AFAP1: variants seen among roughly 807,000 people sequenced by gnomAD.
AFAP1 encodes the protein actin filament-associated protein 1.
In AFAP1, 75 loss-of-function variants were observed where a neutral mutation model predicts 93.9. The ratio of observed to expected loss-of-function variants is 0.80; its 90% CI spans 0.66 to 0.97. AFAP1 has a LOEUF of 0.97. AFAP1 is among the 50% of genes least tolerant of loss of function. The probability of loss-of-function intolerance (pLI) is 0.00; values close to 1 mark genes in which losing one functional copy is unlikely to be tolerated. For missense variants in AFAP1, 1,201 were observed against 1,050.8 expected, an observed-to-expected ratio of 1.14 and a Z score of -1.98; for synonymous variants, 517 against 430.7, an observed-to-expected ratio of 1.20 and a Z score of -2.48.
rs143012327 is a variant in AFAP1, at chr4:7,912,136, G to A, written c.-3+27520C>T. 3.3e-4 allele frequency among the ~76,000 whole-genome samples: 50 copies of A among 152,350 alleles called. No homozygotes were observed. The East Asian group carries it at 6.9e-3, about 21-fold the overall frequency. The stretch of plus-strand genomic sequence containing the variant: ...GTTTGAAAGACCGATGAACAAGGAC[G>A]TCATTAACTATTGCAAAGTGGTATC... On this transcript the variant is annotated intron_variant, in intron 1 of 17. Transcript: ENST00000420658.
At chr4:7,840,262 A>G (rs4234833) in intron 5 of AFAP1, among the ~76,000 whole-genome samples, 81,467 of 150,050 alleles carry the variant, frequency 0.54, 22,323 homozygotes, top group East Asian at 0.61. Flanking sequence ...TGTTTTTGGG[A>G]TGTGTGTGTG....
chr4:7,798,145 T>G (rs1170856772), intron 10 of AFAP1, among the ~76,000 whole-genome samples: 1 of 113,154 alleles, frequency 8.8e-6, no homozygotes, highest in South Asian at 2.7e-4. Context: ...CTCTATTGGC[T>G]GGCTCACGGC....
At chr4:7,835,065 T>C (rs538797851) in intron 6 of AFAP1, among the ~76,000 whole-genome samples, 11 of 92,760 alleles carry the variant, frequency 1.2e-4, no homozygotes, top group South Asian at 5.1e-4. Flanking sequence ...TGGGTGGCTC[T>C]TGAATGGACT....
chr4:7,924,408 C>T (rs1192939309), intron 1 of AFAP1, among the ~76,000 whole-genome samples: 1 of 152,164 alleles, frequency 6.6e-6, no homozygotes. Flanking sequence ...TACTGGTGGA[C>T]GATGAGCCAG....
chr4:7,917,265 A>G (rs967467955), intron 1 of AFAP1, among the ~76,000 whole-genome samples: 7 of 152,188 alleles, frequency 4.6e-5, no homozygotes, highest in African/African-American at 1.7e-4. Context: ...GTCTCACTGT[A>G]TCGTCATGAA....
At chr4:7,803,469 C>A (rs1453645420) in intron 9 of AFAP1, among the ~76,000 whole-genome samples, 1 of 152,048 alleles carries the variant, frequency 6.6e-6, no homozygotes, top group Non-Finnish European at 1.5e-5. Flanking sequence ...CCACAGGGGA[C>A]CCAGTCCCCA....
intron 1 of AFAP1, among the ~76,000 whole-genome samples, chr4:7,886,573 G>T (rs1042346507): frequency 6.6e-6 from 1 of 152,154 alleles, no homozygotes; most frequent in Admixed American, 6.5e-5. Flanking sequence ...AAAGGAACTG[G>T]TGTAAACTCC....
chr4:7,806,201 C>T (rs1320912690), intron 9 of AFAP1, among the ~76,000 whole-genome samples: 1 of 152,230 alleles, frequency 6.6e-6, no homozygotes, highest in Non-Finnish European at 1.5e-5. Context: ...ATGCGTCAGT[C>T]AACGTCACTC....
intron 15 of AFAP1, 124 bp downstream of exon 15, chr4:7,774,614 TA>T: frequency 7.4e-7 from 1 of 1,353,862 alleles, no homozygotes; most frequent in African/African-American, 1.5e-5. Flanking sequence ...CACTGTGAGA[TA>T]ACCCACTCTT....
intron 3 of AFAP1, among the ~76,000 whole-genome samples, chr4:7,859,374 G>A (rs571299462): frequency 5.0e-4 from 76 of 151,940 alleles, no homozygotes; most frequent in African/African-American, 1.6e-3. Flanking sequence ...AGCCAAGATC[G>A]CCACACTGCA....
chr4:7,925,091 C>T (rs1276765074), intron 1 of AFAP1, among the ~76,000 whole-genome samples: 3 of 152,114 alleles, frequency 2.0e-5, no homozygotes, highest in East Asian at 1.9e-4. Context: ...GTGACGACAC[C>T]GACTCCCTTG....
chr4:7,841,173 G>A (rs536292352), intron 5 of AFAP1, among the ~76,000 whole-genome samples: 1 of 152,362 alleles, frequency 6.6e-6, no homozygotes, highest in East Asian at 1.9e-4. Context: ...AACACCAGGA[G>A]CAAGGAGAGG....
At chr4:7,809,816 G>T in intron 8 of AFAP1, 53 bp from the exon 9 acceptor site, 1 of 1,423,096 alleles carries the variant, frequency 7.0e-7, no homozygotes, top group South Asian at 1.4e-5. Flanking sequence ...GATATTAATT[G>T]AAAAAAAAAA....
intron 6 of AFAP1, among the ~76,000 whole-genome samples, chr4:7,826,393 C>T (rs1042302368): frequency 4.6e-5 from 7 of 152,192 alleles, no homozygotes; most frequent in Admixed American, 1.3e-4. Flanking sequence ...AGCAGAGAGA[C>T]GCCCCTCCCA....
intron 4 of AFAP1, among the ~76,000 whole-genome samples, chr4:7,847,169 G>A (rs1375695133): frequency 2.0e-5 from 3 of 152,142 alleles, no homozygotes; most frequent in Non-Finnish European, 4.4e-5. Context: ...CCAAACAAGA[G>A]AACTCTCTGG....
In AFAP1 at chr4:7,902,878, C is replaced by A. The variant is rs34696613; in HGVS notation, c.-2-30798G>T. 5.9e-5 allele frequency among the ~76,000 whole-genome samples: 9 copies of A among 152,338 alleles called. No homozygotes were observed. The South Asian group carries it at 1.9e-3, about 32-fold the overall frequency. ...ACAAGGGATCTAAAGGCCCCTGATT[C>A]TAGGCCACAACAGCTCTTCATACAC... On this transcript the variant is annotated intron_variant, in intron 1 of 17. Transcript: ENST00000420658.
At chr4:7,824,690 A>C (rs190069965) in intron 6 of AFAP1, among the ~76,000 whole-genome samples, 144 of 152,282 alleles carry the variant, frequency 9.5e-4, no homozygotes, top group Non-Finnish European at 1.7e-3. Flanking sequence ...TGTGGGTGCT[A>C]AATAATGCCT....
At chr4:7,843,600 T>C (rs1713324601) in intron 4 of AFAP1, 2 of 433,232 alleles carry the variant, frequency 4.6e-6, no homozygotes, top group Non-Finnish European at 8.4e-6. Context: ...TTCTAGACTG[T>C]TTCATATGGA....
chr4:7,792,182 C>G (rs1026494096), intron 11 of AFAP1, among the ~76,000 whole-genome samples: 1 of 152,170 alleles, frequency 6.6e-6, no homozygotes, highest in Non-Finnish European at 1.5e-5. Context: ...TACACCAAAA[C>G]GCAGCAAGTG....
Sources: gnomAD v4.1 joint callset for allele counts (sites outside exome capture counted in the v4.1 genomes callset) on GRCh38, gnomAD v4.1.1 for gene constraint, MANE v1.5 for transcripts, NCBI Gene and HGNC (gene_info 2026-07-23, HGNC 2026-07-21) for gene names.